The following CDH23 variants were observed in gnomAD, a reference collection of about 807,000 sequenced individuals.
The protein encoded by CDH23 is cadherin-23.
CDH23 carries 189 observed loss-of-function variants against 317.1 expected under a neutral mutation model. The ratio of observed to expected loss-of-function variants is 0.60; its 90% CI spans 0.53 to 0.67. The LOEUF is 0.67. Ranked by LOEUF, CDH23 falls within the 30% of genes least tolerant of loss-of-function variation. The pLI is 0.00. For missense variants in CDH23, 4,401 were observed against 4,592.4 expected, an observed-to-expected ratio of 0.96 and a Z score of 1.20; for synonymous variants, 1,839 against 1,876.8, an observed-to-expected ratio of 0.98 and a Z score of 0.52.
intron 9 of CDH23, among the ~76,000 whole-genome samples, chr10:71,601,072 A>G (rs377114062): frequency 6.6e-6 from 1 of 152,160 alleles, no homozygotes; most frequent in Admixed American, 6.5e-5. Flanking sequence ...GACCAGAATC[A>G]TCTGCTTTGA....
chr10:71,573,390 T>A (rs1196263564), intron 8 of CDH23, among the ~76,000 whole-genome samples: 1 of 152,232 alleles, frequency 6.6e-6, no homozygotes, highest in Non-Finnish European at 1.5e-5. Flanking sequence ...GAGCTGTCCA[T>A]CCATTGGGTC....
At chr10:71,541,882 C>T (rs780903054) in intron 6 of CDH23, among the ~76,000 whole-genome samples, 4 of 152,188 alleles carry the variant, frequency 2.6e-5, no homozygotes, top group Non-Finnish European at 4.4e-5. Context: ...TTTTACACAT[C>T]ACAAAATATT....
intron 38 of CDH23, among the ~76,000 whole-genome samples, chr10:71,747,012 G>A (rs553376879): frequency 1.3e-5 from 2 of 152,278 alleles, no homozygotes; most frequent in South Asian, 4.1e-4. Flanking sequence ...CTTGAGATCA[G>A]AAGGTCCCAG....
chr10:71,780,799 A>G (rs9415999), intron 41 of CDH23, among the ~76,000 whole-genome samples: 78,540 of 151,868 alleles, frequency 0.52, 20,724 homozygotes, highest in Middle Eastern at 0.71. Context: ...TCGGATGGGA[A>G]CCTGCTGCAA....
At chr10:71,418,726 C>A (rs1039314951) in intron 1 of CDH23, among the ~76,000 whole-genome samples, 2 of 152,130 alleles carry the variant, frequency 1.3e-5, no homozygotes, top group Non-Finnish European at 2.9e-5. Context: ...ATTTTTTGGA[C>A]CCAATTTTCT....
intron 24 of CDH23, among the ~76,000 whole-genome samples, chr10:71,704,431 TA>T (rs1477238945): frequency 6.6e-6 from 1 of 152,172 alleles, no homozygotes; most frequent in Non-Finnish European, 1.5e-5. Flanking sequence ...AAGTGACTTT[TA>T]AAAAAGAACC....
intron 8 of CDH23, among the ~76,000 whole-genome samples, chr10:71,571,286 GTC>G (rs1005563856): frequency 1.3e-5 from 2 of 152,248 alleles, no homozygotes; most frequent in African/African-American, 4.8e-5. Context: ...GCTCAGCCGT[GTC>G]TCTGCCGTGT....
chr10:71,672,687 G>A (rs535033755), intron 14 of CDH23, among the ~76,000 whole-genome samples: 2 of 152,272 alleles, frequency 1.3e-5, no homozygotes, highest in South Asian at 4.1e-4. Context: ...GCAGGGGTTG[G>A]GGGTGTGAAG....
At chr10:71,427,022 G>T (rs370303716) in intron 1 of CDH23, among the ~76,000 whole-genome samples, 1 of 151,580 alleles carries the variant, frequency 6.6e-6, no homozygotes, top group Non-Finnish European at 1.5e-5. Context: ...ATAGTGGCAC[G>T]CTCCTGTAGT....
chr10:71,401,611 A>G (rs919601356), intron 1 of CDH23, among the ~76,000 whole-genome samples: 1 of 152,176 alleles, frequency 6.6e-6, no homozygotes, highest in Admixed American at 6.5e-5. Flanking sequence ...GGACATTTGC[A>G]TGCCTAGAGA....
chr10:71,398,428 A>AGTAT (rs1847625133), intron 1 of CDH23, among the ~76,000 whole-genome samples: 1 of 120,166 alleles, frequency 8.3e-6, no homozygotes, highest in Non-Finnish European at 1.7e-5. Context: ...GAGACACAGG[A>AGTAT]GTGTGTGTGT....
chr10:71,497,144 T>C (rs1853020738), intron 3 of CDH23, among the ~76,000 whole-genome samples: 1 of 152,228 alleles, frequency 6.6e-6, no homozygotes, highest in Non-Finnish European at 1.5e-5. Flanking sequence ...GGAACCAGCA[T>C]GTGCCTGCAA....
chr10:71,517,522 A>G (rs1203701148), intron 6 of CDH23, among the ~76,000 whole-genome samples: 2 of 151,634 alleles, frequency 1.3e-5, no homozygotes, highest in Non-Finnish European at 2.9e-5. Context: ...ATGCTGAATG[A>G]TTTATAAACT....
At chr10:71,741,128 A>C (rs543487841) in intron 37 of CDH23, among the ~76,000 whole-genome samples, 178 bp downstream of exon 37, 1 of 152,366 alleles carries the variant, frequency 6.6e-6, no homozygotes, top group African/African-American at 2.4e-5. Flanking sequence ...CCTAGAATGC[A>C]GTATCTTTTT....
At chr10:71,519,758 A>G (rs543353316) in intron 6 of CDH23, among the ~76,000 whole-genome samples, 2 of 151,604 alleles carry the variant, frequency 1.3e-5, no homozygotes, top group Non-Finnish European at 2.9e-5. Context: ...ACTGATGGGT[A>G]TTACCTTTTT....
At chr10:71,716,091 T>C in intron 28 of CDH23, 5 of 1,532,384 alleles carry the variant, frequency 3.3e-6, no homozygotes, top group Non-Finnish European at 4.4e-6. Context: ...TGGGGCTCAC[T>C]GGGGCTCCCA....
intron 18 of CDH23, among the ~76,000 whole-genome samples, chr10:71,683,109 T>C (rs1864722260): frequency 6.6e-6 from 1 of 152,162 alleles, no homozygotes; most frequent in Non-Finnish European, 1.5e-5. Context: ...GTGTCTGAAA[T>C]TATCAGTTGC....
chr10:71,600,194 G>T (rs1182395508), intron 9 of CDH23, among the ~76,000 whole-genome samples: 1 of 151,864 alleles, frequency 6.6e-6, no homozygotes, highest in Non-Finnish European at 1.5e-5. Context: ...TAGAGACAGG[G>T]TTTTACCATG....
intron 6 of CDH23, among the ~76,000 whole-genome samples, chr10:71,545,741 G>A (rs554354980): frequency 7.4e-4 from 112 of 152,266 alleles, no homozygotes; most frequent in African/African-American, 2.4e-3. Flanking sequence ...GGGCCACAAA[G>A]AAAAATAAAG....
Sources: allele counts gnomAD v4.1 joint callset (sites outside exome capture counted in the v4.1 genomes callset), GRCh38; gene constraint gnomAD v4.1.1; transcripts MANE v1.5; gene names NCBI Gene and HGNC (gene_info 2026-07-23, HGNC 2026-07-21).